ZNF521: variants seen among roughly 807,000 people sequenced by gnomAD.
ZNF521 encodes the protein LYST-interacting protein 3.
A neutral mutation model predicts 105.5 loss-of-function variants in ZNF521; 14 were observed. That is an observed-to-expected ratio of 0.13 (90% CI 0.09 to 0.21). The LOEUF (loss-of-function observed/expected upper bound fraction) is 0.21. ZNF521 is among the 10% of genes least tolerant of loss of function. The pLI, the probability that ZNF521 is intolerant of heterozygous loss-of-function variation, is 1.00. For synonymous variants in ZNF521, 635 were observed against 606.0 expected (o/e 1.05, Z -0.70); for missense variants, 1,233 against 1,629.7 (o/e 0.76, Z 4.19).
chr18:25,299,102 T>A (rs776440665), intron 3 of ZNF521, among the ~76,000 whole-genome samples: 1 of 152,230 alleles, frequency 6.6e-6, no homozygotes, highest in African/African-American at 2.4e-5. Flanking sequence ...ATCCTCTGCA[T>A]CTGTCCCCAT....
At chr18:25,234,571 C>T (rs535848579) in intron 3 of ZNF521, among the ~76,000 whole-genome samples, 13 of 152,058 alleles carry the variant, frequency 8.5e-5, no homozygotes, top group African/African-American at 2.7e-4. Context: ...AGAAAAATTT[C>T]GGCCTGCCTC....
intron 2 of ZNF521, among the ~76,000 whole-genome samples, chr18:25,337,893 C>T (rs551088555): frequency 3.9e-5 from 6 of 152,130 alleles, no homozygotes; most frequent in African/African-American, 1.4e-4. Flanking sequence ...GCCCATCATA[C>T]AATGGATACT....
Position 25,297,124 on chromosome 18 carries a change from T to TACAC in ZNF521, c.220+24880_220+24883dup, listed in dbSNP as rs71266974. On this transcript the variant is annotated intron_variant, in intron 3 of 7. Coordinates refer to ENST00000361524, the MANE Select transcript of ZNF521 (RefSeq NM_015461.3). ...ATAGACACATATACATGTCCCTTTA[T>TACAC]ACACACACACACACACACATATATA... Among the ~76,000 whole-genome samples the TACAC allele has an allele frequency of 7.7e-4, 115 of 149,706 alleles. 1 individual carries two copies. The highest frequency in any genetic ancestry group is 1.9e-3 in the African/African-American group (79 of 40,614).
intron 2 of ZNF521, among the ~76,000 whole-genome samples, chr18:25,337,018 C>T (rs999938697): frequency 1.3e-5 from 2 of 152,132 alleles, no homozygotes; most frequent in Admixed American, 6.6e-5. Context: ...TAATAACTTT[C>T]CCAAGGTCAA....
intron 2 of ZNF521, among the ~76,000 whole-genome samples, chr18:25,325,371 T>G (rs1359677872): frequency 6.6e-6 from 1 of 152,116 alleles, no homozygotes; most frequent in African/African-American, 2.4e-5. Flanking sequence ...TCCTTTGAGA[T>G]CCAATCATAA....
At chr18:25,228,445 G>C (rs1906315819) in intron 3 of ZNF521, among the ~76,000 whole-genome samples, 1 of 152,220 alleles carries the variant, frequency 6.6e-6, no homozygotes, top group African/African-American at 2.4e-5. Flanking sequence ...GCTAGGATCA[G>C]CTAGGATCAA....
chr18:25,338,259 T>TTGTGTGTG (rs34813730), intron 2 of ZNF521, among the ~76,000 whole-genome samples: 34,534 of 136,284 alleles, frequency 0.25, 4,655 homozygotes, highest in Middle Eastern at 0.32. Flanking sequence ...TCATAGACTT[T>TTGTGTGTG]TGTGTGTGTG....
chr18:25,158,492 C>A (rs1456770219), intron 5 of ZNF521, among the ~76,000 whole-genome samples: 1 of 152,032 alleles, frequency 6.6e-6, no homozygotes, highest in African/African-American at 2.4e-5. Flanking sequence ...GGAATAACTT[C>A]TCTATATTGT....
intron 5 of ZNF521, among the ~76,000 whole-genome samples, chr18:25,121,391 T>C (rs1358599983): frequency 6.6e-6 from 1 of 151,508 alleles, no homozygotes; most frequent in East Asian, 1.9e-4. Flanking sequence ...CAGCTGTGAC[T>C]ACAGGCACCT....
At chr18:25,147,482 G>A (rs1021199920) in intron 5 of ZNF521, among the ~76,000 whole-genome samples, 8 of 152,088 alleles carry the variant, frequency 5.3e-5, no homozygotes, top group Non-Finnish European at 1.2e-4. Flanking sequence ...AGATTTCCAC[G>A]TTATTAGAAG....
intron 4 of ZNF521, among the ~76,000 whole-genome samples, chr18:25,212,538 A>AAT (rs1279194731): frequency 0.026 from 1,230 of 48,010 alleles, 35 homozygotes; most frequent in South Asian, 0.033. Flanking sequence ...AAAAAAAAAA[A>AAT]ATATATATAT....
At chr18:25,162,427 G>A (rs1296130016) in intron 5 of ZNF521, among the ~76,000 whole-genome samples, 1 of 152,134 alleles carries the variant, frequency 6.6e-6, no homozygotes, top group East Asian at 1.9e-4. Flanking sequence ...AATTTTCAGT[G>A]TTTCTAAATA....
intron 5 of ZNF521, among the ~76,000 whole-genome samples, chr18:25,176,564 T>A (rs1159635158): frequency 1.3e-5 from 2 of 152,132 alleles, no homozygotes; most frequent in African/African-American, 4.8e-5. Flanking sequence ...CAGAATTAAT[T>A]TTTGCTTTAA....
chr18:25,190,660 G>T (rs1478819923), intron 5 of ZNF521, among the ~76,000 whole-genome samples: 1 of 152,114 alleles, frequency 6.6e-6, no homozygotes, highest in Non-Finnish European at 1.5e-5. Context: ...ACCCACTAAA[G>T]AAATGAAAGG....
rs766342371 is a variant in ZNF521, at chr18:25,352,153, G to T, written c.-150C>A. 1 of 391,294 alleles carries T rather than the reference G, an allele frequency of 2.6e-6. No homozygotes were observed. 24.2% of individuals were successfully genotyped at this position (391,294 alleles called of 1,614,324 possible). On this transcript the variant is annotated 5_prime_UTR_variant, in exon 1 of 8. Coordinates refer to ENST00000361524, the MANE Select transcript of ZNF521 (RefSeq NM_015461.3). ...GTACGTAATCACTGAGGAAATCATTGTCAGCCTGCCTGCACTCACACACAG... is the reference window on the plus strand; with the variant it reads ...GTACGTAATCACTGAGGAAATCATTTTCAGCCTGCCTGCACTCACACACAG...
chr18:25,146,272 A>T (rs2034941904), intron 5 of ZNF521, among the ~76,000 whole-genome samples: 1 of 152,176 alleles, frequency 6.6e-6, no homozygotes. Context: ...AAATTTCAGG[A>T]AATCAAAAGA....
At chr18:25,287,999 A>AT (rs1216108039) in intron 3 of ZNF521, among the ~76,000 whole-genome samples, 4 of 151,980 alleles carry the variant, frequency 2.6e-5, no homozygotes, top group South Asian at 4.2e-4. Flanking sequence ...AATTCTTATG[A>AT]TTTTTTTTCC....
chr18:25,323,954 A>G (rs1397921131), intron 2 of ZNF521, among the ~76,000 whole-genome samples: 2 of 152,122 alleles, frequency 1.3e-5, no homozygotes, highest in Non-Finnish European at 2.9e-5. Flanking sequence ...CCCATCTCAA[A>G]GAGCACGTAG....
chr18:25,219,578 C>T (rs1249980160), intron 4 of ZNF521, among the ~76,000 whole-genome samples: 2 of 152,076 alleles, frequency 1.3e-5, no homozygotes, highest in South Asian at 4.1e-4. Context: ...AATCCCAACA[C>T]TTTGGGAGGC....
Sources: gnomAD v4.1 joint callset for allele counts (sites outside exome capture counted in the v4.1 genomes callset) on GRCh38, gnomAD v4.1.1 for gene constraint, MANE v1.5 for transcripts, NCBI Gene and HGNC (gene_info 2026-07-23, HGNC 2026-07-21) for gene names.